TAFA2: variants seen among roughly 807,000 people sequenced by gnomAD.
TAFA2 encodes TAFA chemokine like family member 2.
TAFA2 carries 7 observed loss-of-function variants against 18.8 expected under a neutral mutation model. The ratio of observed to expected loss-of-function variants is 0.37; its 90% CI spans 0.21 to 0.70. TAFA2 has a LOEUF of 0.70. Ranked by LOEUF, TAFA2 falls within the 30% of genes least tolerant of loss-of-function variation. TAFA2 has a pLI of 0.53. For missense variants in TAFA2, 122 were observed against 158.1 expected, an observed-to-expected ratio of 0.77 and a Z score of 1.23; for synonymous variants, 60 against 54.2, an observed-to-expected ratio of 1.11 and a Z score of -0.47.
In TAFA2 at chr12:62,162,843, C is replaced by T. The variant is rs530526855; in HGVS notation, c.-2+28416G>A. On this transcript the variant is annotated intron_variant, in intron 1 of 4. Coordinates refer to ENST00000416284, the MANE Select transcript of TAFA2 (RefSeq NM_178539.5). ...ATGAATACCTCTCTGTGGGATTTTCCCCCAAAAGAAGAAAAAAGTGGTCAG... is the reference window on the plus strand; with the variant it reads ...ATGAATACCTCTCTGTGGGATTTTCTCCCAAAAGAAGAAAAAAGTGGTCAG... Among the ~76,000 whole-genome samples the T allele has an allele frequency of 3.3e-5, 5 of 151,774 alleles. No homozygotes were observed. In the South Asian group the frequency reaches 1.0e-3, roughly 32 times the overall value.
intron 2 of TAFA2, among the ~76,000 whole-genome samples, chr12:61,788,539 G>T (rs555807014): frequency 1.3e-5 from 2 of 151,458 alleles, no homozygotes; most frequent in Non-Finnish European, 3.0e-5. Flanking sequence ...AGCTAAAAAA[G>T]GAATAATAAA....
chr12:62,048,132 T>C (rs947483283), intron 1 of TAFA2, among the ~76,000 whole-genome samples: 1 of 152,214 alleles, frequency 6.6e-6, no homozygotes, highest in African/African-American at 2.4e-5. Flanking sequence ...TTTGTATTAG[T>C]CTGTTTTCAC....
intron 1 of TAFA2, among the ~76,000 whole-genome samples, chr12:61,964,943 T>C (rs1368700426): frequency 1.3e-5 from 2 of 151,896 alleles, no homozygotes; most frequent in Non-Finnish European, 2.9e-5. Flanking sequence ...CATTGCAATT[T>C]GATTTGTATT....
chr12:61,937,702 T>A (rs1877828987), intron 1 of TAFA2, among the ~76,000 whole-genome samples: 1 of 152,006 alleles, frequency 6.6e-6, no homozygotes, highest in African/African-American at 2.4e-5. Flanking sequence ...CCATAAACAT[T>A]CTAAAAGAAA....
chr12:61,794,309 T>C lies in TAFA2; in HGVS notation c.107-39285A>G, dbSNP rs137859577. Among the ~76,000 whole-genome samples, 197 of 152,130 alleles carry C rather than the reference T, an allele frequency of 1.3e-3. 2 individuals are homozygous for C. Among genetic ancestry groups the C allele is most frequent in the African/African-American group, 4.6e-3 (190 of 41,550 alleles). On this transcript the variant is annotated intron_variant, in intron 2 of 4. Coordinates refer to ENST00000416284, the MANE Select transcript of TAFA2 (RefSeq NM_178539.5). ...CCTATGTAGAAAACCATAAGCAATC[T>C]ACAAAAAGATATTAGAATTAATTGA...
intron 2 of TAFA2, among the ~76,000 whole-genome samples, chr12:61,766,576 T>C (rs1426003100): frequency 6.6e-6 from 1 of 152,124 alleles, no homozygotes; most frequent in Non-Finnish European, 1.5e-5. Flanking sequence ...CGCGTGTAAT[T>C]GTCTTTTATA....
At chr12:61,988,670 C>T (rs897247014) in intron 1 of TAFA2, among the ~76,000 whole-genome samples, 3 of 152,050 alleles carry the variant, frequency 2.0e-5, no homozygotes, top group Non-Finnish European at 2.9e-5. Context: ...ATTATCATTC[C>T]ACAAATACAT....
At chr12:62,229,931 T>C (rs1218540126) in intron 1 of TAFA2, among the ~76,000 whole-genome samples, 1 of 152,040 alleles carries the variant, frequency 6.6e-6, no homozygotes, top group Non-Finnish European at 1.5e-5. Flanking sequence ...AGTTCTGGTT[T>C]TCTGTTTCTT....
intron 1 of TAFA2, among the ~76,000 whole-genome samples, chr12:62,165,076 C>T (rs1395443385): frequency 1.3e-5 from 2 of 152,024 alleles, no homozygotes; most frequent in Non-Finnish European, 2.9e-5. Flanking sequence ...TTCAATTATG[C>T]TGAATTGGTC....
At chr12:61,937,827 CT>C (rs1379061363) in intron 1 of TAFA2, among the ~76,000 whole-genome samples, 1 of 152,022 alleles carries the variant, frequency 6.6e-6, no homozygotes, top group African/African-American at 2.4e-5. Flanking sequence ...AAACAAAAAG[CT>C]TTTGTACAGC....
intron 1 of TAFA2, among the ~76,000 whole-genome samples, chr12:62,010,584 T>C (rs1880705740): frequency 1.3e-5 from 2 of 152,096 alleles, no homozygotes; most frequent in Admixed American, 1.3e-4. Flanking sequence ...CCACCCCGTC[T>C]GGGAAGTGGA....
At chr12:61,863,619 G>A (rs942095483) in intron 2 of TAFA2, among the ~76,000 whole-genome samples, 3 of 152,170 alleles carry the variant, frequency 2.0e-5, no homozygotes, top group African/African-American at 7.2e-5. Context: ...AATAAGCTTT[G>A]CCTGGATGGA....
At chr12:62,164,521 C>A (rs1003380133) in intron 1 of TAFA2, among the ~76,000 whole-genome samples, 2 of 152,054 alleles carry the variant, frequency 1.3e-5, no homozygotes, top group South Asian at 2.1e-4. Context: ...AAGGCTCAGG[C>A]CTTAACACAC....
chr12:61,768,449 C>G (rs1346191902), intron 2 of TAFA2, among the ~76,000 whole-genome samples: 1 of 152,044 alleles, frequency 6.6e-6, no homozygotes, highest in Non-Finnish European at 1.5e-5. Context: ...ATTCACAGAC[C>G]CTTTGAAAAA....
intron 1 of TAFA2, among the ~76,000 whole-genome samples, chr12:62,257,155 C>CGTATATATGTGTGTGTATATGT (rs1237024839): frequency 4.0e-4 from 1 of 2,500 alleles, no homozygotes; most frequent in Non-Finnish European, 8.9e-4. Context: ...TATATATATA[C>CGTATATATGTGTGTGTATATGT]ATATATATGT....
intron 1 of TAFA2, among the ~76,000 whole-genome samples, chr12:62,078,403 TA>T (rs1303221874): frequency 6.1e-5 from 7 of 114,818 alleles, no homozygotes; most frequent in South Asian, 5.7e-4. Flanking sequence ...CCCTAAAACT[TA>T]AAGTATAATT....
chr12:61,844,815 A>G (rs1275113392), intron 2 of TAFA2, among the ~76,000 whole-genome samples: 2 of 152,128 alleles, frequency 1.3e-5, no homozygotes, highest in Non-Finnish European at 2.9e-5. Flanking sequence ...TGTTTTCCCA[A>G]CCATAGATGG....
At chr12:61,790,973 T>C (rs1290264786) in intron 2 of TAFA2, among the ~76,000 whole-genome samples, 1 of 151,748 alleles carries the variant, frequency 6.6e-6, no homozygotes, top group Non-Finnish European at 1.5e-5. Context: ...AACAACACGA[T>C]AGTAGCCAAA....
intron 1 of TAFA2, among the ~76,000 whole-genome samples, chr12:62,089,166 GT>G (rs1868601365): frequency 2.0e-5 from 3 of 152,044 alleles, no homozygotes; most frequent in Non-Finnish European, 4.4e-5. Context: ...AACTATCCAC[GT>G]TTATTAACAT....
Sources: allele counts gnomAD v4.1 joint callset (sites outside exome capture counted in the v4.1 genomes callset), GRCh38; gene constraint gnomAD v4.1.1; transcripts MANE v1.5; gene names NCBI Gene and HGNC (gene_info 2026-07-23, HGNC 2026-07-21).